PCDH15: variants seen among roughly 807,000 people sequenced by gnomAD.
The protein encoded by PCDH15 is protocadherin-15.
Under a neutral mutation model 178.5 loss-of-function variants are expected in PCDH15, and 129 were observed. The ratio of observed to expected loss-of-function variants is 0.72; its 90% confidence interval spans 0.63 to 0.84. The LOEUF (loss-of-function observed/expected upper bound fraction) is 0.84, where lower values mean the gene tolerates loss of function less well. Among genes scored for constraint, PCDH15 ranks in the 40% least tolerant of loss-of-function variants. The pLI, the probability that PCDH15 is intolerant of heterozygous loss-of-function variation, is 0.00. For synonymous variants in PCDH15, 800 were observed against 732.0 expected (o/e 1.09, Z -1.50); for missense variants, 2,230 against 2,099.9 (o/e 1.06, Z -1.21).
chr10:55,064,468 G>T (rs10825453), intron 2 of PCDH15, among the ~76,000 whole-genome samples: 9,353 of 151,918 alleles, frequency 0.062, 400 homozygotes, highest in African/African-American at 0.11. Flanking sequence ...TGCACACAAA[G>T]GTACTCATAT....
At chr10:54,724,907 TAG>T (rs1942246281) in intron 1 of PCDH15, among the ~76,000 whole-genome samples, 1 of 8,412 alleles carries the variant, frequency 1.2e-4, no homozygotes, top group African/African-American at 3.7e-4. Context: ...CATATATATA[TAG>T]ATATAGATAT....
At chr10:55,077,664 C>T (rs778050511) in intron 2 of PCDH15, among the ~76,000 whole-genome samples, 23 of 152,098 alleles carry the variant, frequency 1.5e-4, no homozygotes, top group Non-Finnish European at 8.8e-5. Flanking sequence ...ATTCTCCTGC[C>T]TCAGCCTCCC....
At chr10:54,671,501 G>C (rs2094671691) in intron 1 of PCDH15, among the ~76,000 whole-genome samples, 1 of 152,076 alleles carries the variant, frequency 6.6e-6, no homozygotes, top group Admixed American at 6.5e-5. Context: ...TAGTTATGTT[G>C]CTTTTGGAGG....
intron 2 of PCDH15, among the ~76,000 whole-genome samples, chr10:55,102,363 A>G (rs1444419116): frequency 6.6e-6 from 1 of 152,096 alleles, no homozygotes; most frequent in Non-Finnish European, 1.5e-5. Flanking sequence ...CACAAGGGAT[A>G]TATTCTAAGA....
intron 25 of PCDH15, among the ~76,000 whole-genome samples, chr10:53,922,385 C>T (rs146257746): frequency 6.6e-6 from 1 of 152,014 alleles, no homozygotes; most frequent in Non-Finnish European, 1.5e-5. Context: ...CCTTAAAATT[C>T]TCAAATACCC....
In PCDH15 at chr10:53,823,228, C is replaced by T. The variant is rs779331321; in HGVS notation, c.4368-2998G>A. On this transcript the variant is annotated intron_variant, in intron 32 of 37. Coordinates refer to ENST00000644397, the MANE Select transcript of PCDH15 (RefSeq NM_001384140.1). ...TTCAGTTTGTTGCTCTTAAGTGATC[C>T]GTCTACATGAGCTGACTTGTGAGCC... 7.4e-6 allele frequency: 12 copies of T among 1,613,796 alleles called. No homozygotes were observed. The highest frequency in any genetic ancestry group is 4.5e-5 in the East Asian group (2 of 44,870).
At chr10:55,295,336 T>C (rs1588888049) in intron 1 of PCDH15, among the ~76,000 whole-genome samples, 1 of 152,252 alleles carries the variant, frequency 6.6e-6, no homozygotes, top group East Asian at 1.9e-4. Flanking sequence ...CAGCAAGGAT[T>C]CTTCCTTGTT....
At chr10:53,961,677 C>T in intron 22 of PCDH15, 75 bp downstream of exon 22, 4 of 1,087,140 alleles carry the variant, frequency 3.7e-6, no homozygotes, top group Non-Finnish European at 3.7e-6. Context: ...AAAAAATGTG[C>T]TGTCATCTGT....
intron 8 of PCDH15, among the ~76,000 whole-genome samples, chr10:54,270,169 G>A (rs2057957673): frequency 6.6e-6 from 1 of 151,960 alleles, no homozygotes; most frequent in Admixed American, 6.6e-5. Context: ...CAAACAATTT[G>A]ATAGTAGTCA....
chr10:53,818,246 A>G, intron 33 of PCDH15: 1 of 345,402 alleles, frequency 2.9e-6, no homozygotes, highest in East Asian at 4.2e-5. Flanking sequence ...GTTCCATATG[A>G]GCAACAAAAC....
At chr10:54,603,455 CTAGT>C (rs1565717392) in intron 2 of PCDH15, among the ~76,000 whole-genome samples, 2 of 149,408 alleles carry the variant, frequency 1.3e-5, no homozygotes, top group African/African-American at 2.5e-5. Flanking sequence ...CTGTCTTTGG[CTAGT>C]TATTTTTTTA....
At chr10:55,003,400 T>A (rs896767794) in intron 2 of PCDH15, among the ~76,000 whole-genome samples, 4 of 151,538 alleles carry the variant, frequency 2.6e-5, no homozygotes, top group African/African-American at 9.7e-5. Flanking sequence ...GTTGATTGCA[T>A]AGAATGAACT....
At chr10:54,648,064 C>G (rs187524683) in intron 2 of PCDH15, among the ~76,000 whole-genome samples, 2 of 152,166 alleles carry the variant, frequency 1.3e-5, no homozygotes, top group Non-Finnish European at 2.9e-5. Context: ...TTCAATTATT[C>G]TTTAAATTTC....
chr10:55,205,433 A>C (rs948453056), intron 1 of PCDH15, among the ~76,000 whole-genome samples: 4 of 152,016 alleles, frequency 2.6e-5, no homozygotes, highest in Admixed American at 2.6e-4. Flanking sequence ...TTTACTGAGA[A>C]TCTAATAGGA....
chr10:54,652,177 C>T (rs2094278122), intron 2 of PCDH15, among the ~76,000 whole-genome samples: 2 of 152,254 alleles, frequency 1.3e-5, no homozygotes, highest in South Asian at 4.1e-4. Flanking sequence ...CACATTTTAT[C>T]TTCTATTCAC....
chr10:54,922,216 A>C (rs1706762), intron 2 of PCDH15, among the ~76,000 whole-genome samples: 20,535 of 152,022 alleles, frequency 0.14, 1,573 homozygotes, highest in East Asian at 0.23. Context: ...TTGACTCATT[A>C]CAGCATTAAG....
chr10:55,489,977 A>G (rs1840376798), intron 2 of PCDH15, among the ~76,000 whole-genome samples: 1 of 151,726 alleles, frequency 6.6e-6, no homozygotes, highest in South Asian at 2.1e-4. Context: ...TTTTCTACCT[A>G]AAGACCTGCT....
Position 53,901,391 on chromosome 10 carries a change from T to A in PCDH15, c.3501+1852A>T, listed in dbSNP as rs73246881. On this transcript the variant is annotated intron_variant, in intron 26 of 37. Coordinates refer to ENST00000644397, the MANE Select transcript of PCDH15 (RefSeq NM_001384140.1). ...TTGATTTTTCCTAATGTCCCATGTA[T>A]GATTCATCGGCAAATCCTATATGTT... Among the ~76,000 whole-genome samples the A allele has an allele frequency of 5.9e-3, 894 of 152,304 alleles. 11 individuals are homozygous for A. Among genetic ancestry groups the A allele is most frequent in the African/African-American group, 0.02 (837 of 41,580 alleles).
Position 55,262,115 on chromosome 10 carries a change from A to AAAAAG in PCDH15, c.-156+57479_-156+57483dup, listed in dbSNP as rs797012290. On this transcript the variant is annotated intron_variant, in intron 1 of 5. Coordinates refer to the PCDH15 transcript ENST00000458638. ...GAGAGGAGAGAAGAGAAGAGAAATA[A>AAAAAG]AAAAGAAAAGAAAAGAAAGATGAAG... 2.8e-3 allele frequency among the ~76,000 whole-genome samples: 419 copies of AAAAAG among 147,266 alleles called. 1 individual carries two copies. The highest frequency in any genetic ancestry group is 9.6e-3 in the African/African-American group (383 of 39,778).
Sources: gnomAD v4.1 joint callset for allele counts (sites outside exome capture counted in the v4.1 genomes callset) on GRCh38, gnomAD v4.1.1 for gene constraint, MANE v1.5 for transcripts, NCBI Gene and HGNC (gene_info 2026-07-23, HGNC 2026-07-21) for gene names.